Variants in JAK1 observed in about 807,000 individuals in gnomAD.
JAK1 encodes tyrosine-protein kinase JAK1.
In JAK1, 16 loss-of-function variants were observed where a neutral mutation model predicts 136.6. The observed-to-expected ratio is 0.12, with a 90% CI of 0.08 to 0.18. The LOEUF is 0.18. Among genes scored for constraint, JAK1 ranks in the 10% least tolerant of loss-of-function variants. JAK1 has a pLI of 1.00. For synonymous variants in JAK1, 492 were observed against 519.5 expected, an observed-to-expected ratio of 0.95 and a Z score of 0.72; for missense variants, 859 against 1,450.1, an observed-to-expected ratio of 0.59 and a Z score of 6.62.
intron 1 of JAK1, among the ~76,000 whole-genome samples, chr1:65,060,972 C>A (rs776353892): frequency 6.6e-6 from 1 of 152,172 alleles, no homozygotes; most frequent in Non-Finnish European, 1.5e-5. Flanking sequence ...ATGTAAAATG[C>A]TTTCTTCCAG....
rs76457960 is a variant in JAK1, at chr1:64,902,129, G to T, written c.-77-15788C>A. Among the ~76,000 whole-genome samples the T allele has an allele frequency of 3.3e-3, 507 of 152,198 alleles. 3 individuals are homozygous for T. The highest frequency in any genetic ancestry group is 0.012 in the African/African-American group (478 of 41,516). ...AGTTTTCTAATTTAATCATTGTGAGGTCAATGGAGTCTTCACTTCCTCAAA... is the reference window on the plus strand; with the variant it reads ...AGTTTTCTAATTTAATCATTGTGAGTTCAATGGAGTCTTCACTTCCTCAAA... On this transcript the variant is annotated intron_variant, in intron 1 of 24. Transcript: ENST00000342505.
intron 2 of JAK1, among the ~76,000 whole-genome samples, chr1:65,003,119 A>G (rs1646776352): frequency 6.9e-6 from 1 of 144,674 alleles, no homozygotes; most frequent in Middle Eastern, 3.4e-3. Context: ...CACAATTCTT[A>G]CCGTGGAACA....
chr1:65,062,842 T>C (rs144703809), intron 1 of JAK1, among the ~76,000 whole-genome samples: 23 of 152,350 alleles, frequency 1.5e-4, no homozygotes, highest in African/African-American at 5.1e-4. Flanking sequence ...GATTGATTGA[T>C]TAATTGATGA....
At chr1:64,845,236 G>T (rs1655151714) in intron 15 of JAK1, among the ~76,000 whole-genome samples, 1 of 152,102 alleles carries the variant, frequency 6.6e-6, no homozygotes, top group African/African-American at 2.4e-5. Flanking sequence ...GTACTGCACT[G>T]CTTTCAGCCT....
intron 2 of JAK1, among the ~76,000 whole-genome samples, chr1:64,986,461 G>A (rs935344034): frequency 6.6e-6 from 1 of 152,044 alleles, no homozygotes; most frequent in Non-Finnish European, 1.5e-5. Context: ...TGATTCCAGA[G>A]ACACCTTTTT....
rs1553168171 is a variant in JAK1, at chr1:64,913,705, A to AAGGGAGGAAAGAAGGG, written c.-77-27365_-77-27364insCCCTTCTTTCCTCCCT. On this transcript the variant is annotated intron_variant, in intron 1 of 24. Coordinates refer to ENST00000342505, the MANE Select transcript of JAK1 (RefSeq NM_002227.4). ...GAAGGAAGGAAGGAAGGAAGGAAAG[A>AAGGGAGGAAAGAAGGG]AGGGAGGGAGGGAGGGAGGGAGGGA... Among the ~76,000 whole-genome samples the AAGGGAGGAAAGAAGGG allele has an allele frequency of 3.8e-3, 136 of 35,750 alleles. 2 individuals carry two copies. Among genetic ancestry groups the AAGGGAGGAAAGAAGGG allele is most frequent in the Non-Finnish European group, 5.5e-3 (112 of 20,262 alleles). 23.5% of individuals were successfully genotyped at this position (35,750 alleles called of 152,430 possible). A position where few individuals can be genotyped will look rare whatever the true frequency, so the allele number is the denominator to read the frequency against.
At chr1:64,985,202 A>T in intron 2 of JAK1, 1 of 1,564,098 alleles carries the variant, frequency 6.4e-7, no homozygotes, top group Non-Finnish European at 8.8e-7. Context: ...GAACACCTGC[A>T]CCCTTAAAGA....
intron 2 of JAK1, among the ~76,000 whole-genome samples, chr1:64,982,155 G>A (rs1334777447): frequency 6.6e-6 from 1 of 151,984 alleles, no homozygotes; most frequent in Non-Finnish European, 1.5e-5. Context: ...CAGGGAAGCA[G>A]TCTTTCTGTT....
intron 2 of JAK1, among the ~76,000 whole-genome samples, chr1:64,971,810 C>G (rs1462174297): frequency 1.3e-5 from 2 of 152,180 alleles, no homozygotes; most frequent in Admixed American, 6.5e-5. Context: ...CCACCCACCT[C>G]GGCCTTCCAA....
rs35513384 is a variant in JAK1, at chr1:65,040,216, C to CAA, written c.-78+4262_-78+4263dup. ...GGCAACTAGAGCAAGACCCTGTCTC[C>CAA]AAAAAAAAAAAAAAGAAGTCTGAAA... On this transcript the variant is annotated intron_variant, in intron 2 of 25. Transcript: ENST00000671954. Among the ~76,000 whole-genome samples, 143 of 131,246 alleles carry CAA rather than the reference C, an allele frequency of 1.1e-3. No homozygotes were observed. In the East Asian group the frequency reaches 0.017, roughly 15 times the overall value. 86.1% of individuals were successfully genotyped at this position (131,246 alleles called of 152,430 possible).
chr1:65,038,694 A>G (rs1047969267), intron 2 of JAK1, among the ~76,000 whole-genome samples: 7 of 151,914 alleles, frequency 4.6e-5, no homozygotes, highest in African/African-American at 1.2e-4. Flanking sequence ...GCTGGAGTGC[A>G]TTGGCATGAT....
intron 2 of JAK1, among the ~76,000 whole-genome samples, chr1:64,884,871 T>G (rs902797788): frequency 6.6e-5 from 10 of 152,164 alleles, no homozygotes; most frequent in Admixed American, 5.9e-4. Context: ...GTGAGTTCCT[T>G]GAGATAAGAA....
chr1:64,842,655 C>T (rs559120022), intron 17 of JAK1, among the ~76,000 whole-genome samples: 1 of 152,306 alleles, frequency 6.6e-6, no homozygotes, highest in South Asian at 2.1e-4. Context: ...TTCCTTACAC[C>T]ACCCTGTATG....
chr1:64,927,879 T>C (rs1221119277), intron 1 of JAK1, among the ~76,000 whole-genome samples: 1 of 152,212 alleles, frequency 6.6e-6, no homozygotes, highest in Admixed American at 6.5e-5. Flanking sequence ...CTGCCAAGAA[T>C]GCCCAACTGA....
intron 1 of JAK1, among the ~76,000 whole-genome samples, chr1:64,926,154 C>T: frequency 6.6e-6 from 1 of 152,210 alleles, no homozygotes; most frequent in East Asian, 1.9e-4. Context: ...TTCGCAATGG[C>T]ATCAAGCCCC....
intron 2 of JAK1, among the ~76,000 whole-genome samples, chr1:65,017,055 G>A (rs896993963): frequency 6.6e-6 from 1 of 152,142 alleles, no homozygotes; most frequent in Non-Finnish European, 1.5e-5. Context: ...GTACCTAGTA[G>A]TGCAGCCACA....
intron 2 of JAK1, chr1:64,989,304 G>A (rs1376578894): frequency 2.7e-5 from 4 of 148,270 alleles, no homozygotes; most frequent in Admixed American, 6.8e-5. Flanking sequence ...CAGCCTGGGC[G>A]ACAAAGAGAG....
intron 1 of JAK1, among the ~76,000 whole-genome samples, chr1:64,944,207 G>T (rs2100536179): frequency 1.7e-5 from 2 of 119,190 alleles, no homozygotes; most frequent in African/African-American, 3.4e-5. Flanking sequence ...GGGCAACAGT[G>T]CAAGACTCTG....
intron 4 of JAK1, chr1:64,876,237 C>G (rs890064761): frequency 1.3e-5 from 2 of 152,216 alleles, no homozygotes; most frequent in African/African-American, 4.8e-5. Context: ...CCTTCTTCTT[C>G]CACATCCTAC....
Sources: gnomAD v4.1 joint callset for allele counts (sites outside exome capture counted in the v4.1 genomes callset) on GRCh38, gnomAD v4.1.1 for gene constraint, MANE v1.5 for transcripts, NCBI Gene and HGNC (gene_info 2026-07-23, HGNC 2026-07-21) for gene names.